The following SYT2 variants were observed in gnomAD, a reference collection of about 807,000 sequenced individuals.
SYT2 encodes synaptotagmin 2.
In SYT2, 15 loss-of-function variants were observed where a neutral mutation model predicts 39.9. The ratio of observed to expected loss-of-function variants is 0.38; its 90% CI spans 0.25 to 0.58. The LOEUF is 0.58. SYT2 is among the 20% of genes least tolerant of loss of function. The pLI, the probability that SYT2 is intolerant of heterozygous loss-of-function variation, is 0.70. For missense variants in SYT2, 389 were observed against 530.3 expected, an observed-to-expected ratio of 0.73 and a Z score of 2.62; for synonymous variants, 181 against 204.5, an observed-to-expected ratio of 0.89 and a Z score of 0.98.
intron 1 of SYT2, among the ~76,000 whole-genome samples, chr1:202,616,477 C>T (rs1416521777): frequency 1.3e-5 from 2 of 152,160 alleles, no homozygotes; most frequent in East Asian, 1.9e-4. Context: ...CACGCACACA[C>T]ACTTGCACAC....
chr1:202,617,257 T>C (rs1558432023), intron 1 of SYT2, among the ~76,000 whole-genome samples: 1 of 152,150 alleles, frequency 6.6e-6, no homozygotes, highest in African/African-American at 2.4e-5. Flanking sequence ...TCATGTCAAA[T>C]TGTAATCCCT....
At position 202,687,460 on chromosome 1, in the gene SYT2, C is replaced by G. The variant is rs762892451; in HGVS notation, c.-18+22798G>C. Among the ~76,000 whole-genome samples, 4 of 152,256 alleles carry G rather than the reference C, an allele frequency of 2.6e-5. No homozygotes were observed. In the South Asian group the frequency reaches 8.3e-4, roughly 32 times the overall value. On this transcript the variant is annotated intron_variant, in intron 1 of 8. Coordinates refer to ENST00000367268, the MANE Select transcript of SYT2 (RefSeq NM_177402.5). ...TCCACGGGGCCACTCTCTTCCTCCC[C>G]GCAGAACCTAGCTCTGGGTGGGGTG...
intron 1 of SYT2, among the ~76,000 whole-genome samples, chr1:202,656,580 G>C (rs1692280296): frequency 6.6e-6 from 1 of 152,230 alleles, no homozygotes; most frequent in Non-Finnish European, 1.5e-5. Flanking sequence ...ATCTATAAAA[G>C]CAGGAAATAA....
At position 202,639,598 on chromosome 1, in the gene SYT2, C is replaced by A. The variant is rs369711425; in HGVS notation, c.-17-33809G>T. The A allele has an allele frequency of 1.5e-5, 15 of 985,366 alleles. No homozygotes were observed. The African/African-American group carries it at 2.3e-4, about 15-fold the overall frequency. 61.0% of individuals were successfully genotyped at this position (985,366 alleles called of 1,614,324 possible). Reference sequence around the variant, plus strand: ...TTTCTCCAAGGCTGCATCTCACAGCCTTTCCTCATGACTAACCTTGAATGG... The same window carrying A: ...TTTCTCCAAGGCTGCATCTCACAGCATTTCCTCATGACTAACCTTGAATGG... On this transcript the variant is annotated intron_variant, in intron 1 of 8. Transcript: ENST00000367268.
intron 1 of SYT2, among the ~76,000 whole-genome samples, chr1:202,612,991 G>A (rs917664743): frequency 6.6e-6 from 1 of 150,422 alleles, no homozygotes; most frequent in Non-Finnish European, 1.5e-5. Context: ...ATTGTTCGTT[G>A]CTAGTGTATA....
intron 1 of SYT2, among the ~76,000 whole-genome samples, chr1:202,655,100 T>A (rs1341678320): frequency 6.6e-6 from 1 of 151,760 alleles, no homozygotes; most frequent in Non-Finnish European, 1.5e-5. Flanking sequence ...GAGCATGAGG[T>A]GGGTGTTGAG....
At chr1:202,632,239 T>C (rs1197441535) in intron 1 of SYT2, among the ~76,000 whole-genome samples, 2 of 152,146 alleles carry the variant, frequency 1.3e-5, no homozygotes, top group Non-Finnish European at 2.9e-5. Context: ...AGTTCTGGCC[T>C]CCTGACTGGG....
At chr1:202,696,159 C>T (rs964185327) in intron 1 of SYT2, among the ~76,000 whole-genome samples, 6 of 152,242 alleles carry the variant, frequency 3.9e-5, no homozygotes, top group African/African-American at 1.2e-4. Flanking sequence ...GACAAGTTCA[C>T]GGTCACCTGG....
At chr1:202,701,418 A>C (rs1654118055) in intron 1 of SYT2, among the ~76,000 whole-genome samples, 1 of 152,244 alleles carries the variant, frequency 6.6e-6, no homozygotes, top group African/African-American at 2.4e-5. Flanking sequence ...TGTAAGAAGC[A>C]GAAGTGCTTT....
chr1:202,629,879 G>GGC (rs1691527238), intron 1 of SYT2, among the ~76,000 whole-genome samples: 1 of 97,362 alleles, frequency 1.0e-5, no homozygotes, highest in African/African-American at 5.1e-5. Flanking sequence ...GGGGGGGGGG[G>GGC]GTGGTACGGC....
At chr1:202,602,898 A>C in intron 4 of SYT2, 101 bp downstream of exon 4, 1 of 1,393,368 alleles carries the variant, frequency 7.2e-7, no homozygotes, top group Non-Finnish European at 1.0e-6. Context: ...GGAAAGGAGT[A>C]GTGCCCACAC....
intron 1 of SYT2, among the ~76,000 whole-genome samples, chr1:202,709,067 C>A (rs1654323811): frequency 6.7e-6 from 1 of 148,280 alleles, no homozygotes; most frequent in Non-Finnish European, 1.5e-5. Flanking sequence ...CCAGGTCAGA[C>A]CCCAGTTCAC....
rs759339554 is a variant in SYT2 at position 202,605,704 on chromosome 1, G to A, written c.69C>T (p.Pro23=). 2 of 1,613,992 alleles carry A rather than the reference G, an allele frequency of 1.2e-6. No individual in the cohort carries two copies. The highest frequency in any genetic ancestry group is 1.7e-6 in the Non-Finnish European group (2 of 1,179,892). The stretch of plus-strand genomic sequence containing the variant: ...CAGTGGAGTTGTCCACGGGTCCAAT[G>A]GGCATCGTGGCGGTGGTGGTGGCAG... ...VAPATTTATM[P]IGPVDNSTES... is the part of the protein sequence containing the mutation. The change falls in exon 2 of 9, where the codon CCC becomes CCT. Residue 23 remains proline, a synonymous_variant. Transcript: ENST00000367268.
intron 1 of SYT2, among the ~76,000 whole-genome samples, chr1:202,700,394 C>A (rs769670266): frequency 4.6e-5 from 7 of 152,226 alleles, no homozygotes; most frequent in Non-Finnish European, 8.8e-5. Flanking sequence ...CGGCTCTGGG[C>A]TGGGCTTCAC....
chr1:202,621,187 C>T (rs1325296918), intron 1 of SYT2, among the ~76,000 whole-genome samples: 1 of 152,136 alleles, frequency 6.6e-6, no homozygotes. Flanking sequence ...ATTTTTGAAC[C>T]CCACGAAAAT....
chr1:202,708,062 A>G (rs377047153), intron 1 of SYT2, among the ~76,000 whole-genome samples: 46 of 152,328 alleles, frequency 3.0e-4, no homozygotes, highest in East Asian at 1.7e-3. Flanking sequence ...AGCAAGGTAC[A>G]TGCTTTGCCC....
Position 202,623,375 on chromosome 1 carries a change from G to C in SYT2, c.-17-17586C>G, listed in dbSNP as rs936018338. 6.6e-6 allele frequency among the ~76,000 whole-genome samples: 1 copy of C among 152,194 alleles called. No individual in the cohort carries two copies. Among genetic ancestry groups the C allele is most frequent in the Non-Finnish European group, 1.5e-5 (1 of 68,030 alleles). ...CCAGCTGCTCCCAGCCCAGGGGGCT[G>C]CCTCTGGCCCCCAGACAGGCTGCCT... On this transcript the variant is annotated intron_variant, in intron 1 of 8. Coordinates refer to ENST00000367268, the MANE Select transcript of SYT2 (RefSeq NM_177402.5). This position sits in a 1 kb window ranked among gnomAD's most constrained non-coding sequence, Gnocchi z 4.2.
intron 1 of SYT2, among the ~76,000 whole-genome samples, chr1:202,617,437 TC>T (rs892356550): frequency 1.6e-4 from 24 of 151,670 alleles, no homozygotes; most frequent in African/African-American, 4.4e-4. Context: ...CCTCTTCACC[TC>T]CCCCCATGAT....
At chr1:202,609,766 A>C (rs952456574) in intron 1 of SYT2, among the ~76,000 whole-genome samples, 2 of 151,972 alleles carry the variant, frequency 1.3e-5, no homozygotes, top group Admixed American at 6.6e-5. Flanking sequence ...GTTTGAGTTC[A>C]TTGTAGATTC....
Sources: gnomAD v4.1 joint callset for allele counts (sites outside exome capture counted in the v4.1 genomes callset) on GRCh38, gnomAD v4.1.1 for gene constraint, Gnocchi (gnomAD v3.1) non-coding constraint, MANE v1.5 for transcripts, NCBI Gene and HGNC (gene_info 2026-07-23, HGNC 2026-07-21) for gene names.